The following SRGAP2B variants were observed in gnomAD, a reference collection of about 807,000 sequenced individuals.
The protein encoded by SRGAP2B is SLIT-ROBO Rho GTPase-activating protein 2B.
Under a neutral mutation model 22.2 loss-of-function variants are expected in SRGAP2B, and 9 were observed. The ratio of observed to expected loss-of-function variants is 0.41; its 90% CI spans 0.24 to 0.71. SRGAP2B has a LOEUF of 0.71. Among genes scored for constraint, SRGAP2B ranks in the 30% least tolerant of loss-of-function variants. The probability of loss-of-function intolerance (pLI) is 0.35; values close to 1 mark genes in which losing one functional copy is unlikely to be tolerated. For missense variants in SRGAP2B, 114 were observed against 235.8 expected (o/e 0.48, Z 3.38); for synonymous variants, 36 against 87.4 (o/e 0.41, Z 3.28).
chr1:145,021,124 CATAG>C (rs1293417125), intron 2 of SRGAP2B, among the ~76,000 whole-genome samples: 7 of 148,020 alleles, frequency 4.7e-5, no homozygotes, highest in Non-Finnish European at 3.0e-5. Context: ...GCCTTCTACT[CATAG>C]ATAAACAACT....
intron 7 of SRGAP2B, among the ~76,000 whole-genome samples, chr1:144,904,292 G>A (rs1184456611): frequency 6.4e-5 from 9 of 140,486 alleles, no homozygotes; most frequent in East Asian, 2.1e-4. Flanking sequence ...AGTTAACACC[G>A]AGAAACCTTA....
intron 2 of SRGAP2B, among the ~76,000 whole-genome samples, chr1:145,068,322 T>A (rs1157297262): frequency 7.0e-6 from 1 of 143,424 alleles, no homozygotes; most frequent in Non-Finnish European, 1.5e-5. Flanking sequence ...TAGGCATACA[T>A]AATCATGTGT....
intron 2 of SRGAP2B, among the ~76,000 whole-genome samples, chr1:145,035,960 C>T (rs1211215875): frequency 7.2e-5 from 10 of 139,552 alleles, no homozygotes; most frequent in African/African-American, 2.4e-4. Context: ...AAAAAACCCA[C>T]GATAAAACCC....
intron 7 of SRGAP2B, among the ~76,000 whole-genome samples, chr1:144,904,124 G>A (rs1323971726): frequency 6.8e-6 from 1 of 148,108 alleles, no homozygotes; most frequent in Non-Finnish European, 1.5e-5. Context: ...TTAAAAATGG[G>A]CCAGATGTCA....
chr1:144,917,545 TG>T (rs1663945773), intron 4 of SRGAP2B, among the ~76,000 whole-genome samples: 1 of 141,714 alleles, frequency 7.1e-6, no homozygotes, highest in South Asian at 2.2e-4. Context: ...GAGTGGGGGA[TG>T]GGGGAAGAAG....
intron 3 of SRGAP2B, among the ~76,000 whole-genome samples, chr1:144,976,170 G>A (rs1470570592): frequency 3.4e-5 from 5 of 147,126 alleles, no homozygotes; most frequent in South Asian, 4.2e-4. Context: ...GTGAGCCATC[G>A]CGCCCAGCCT....
chr1:144,914,320 G>A (rs1280742722), intron 5 of SRGAP2B, among the ~76,000 whole-genome samples: 8 of 150,910 alleles, frequency 5.3e-5, no homozygotes, highest in South Asian at 2.1e-4. Context: ...AAGCCTTTCC[G>A]ACAGGCACAT....
intron 3 of SRGAP2B, among the ~76,000 whole-genome samples, chr1:144,958,868 G>A (rs1263442040): frequency 2.0e-5 from 3 of 148,514 alleles, no homozygotes; most frequent in African/African-American, 7.7e-5. Flanking sequence ...CCATTCAAAT[G>A]AGCAACCCTC....
At chr1:144,975,870 T>TTC (rs1668861516) in intron 3 of SRGAP2B, among the ~76,000 whole-genome samples, 1 of 2,864 alleles carries the variant, frequency 3.5e-4, no homozygotes, top group Non-Finnish European at 7.4e-4. Context: ...TAGTAATTCT[T>TTC]TTTTTTTTTT....
intron 2 of SRGAP2B, among the ~76,000 whole-genome samples, chr1:145,056,880 ATGT>A (rs1307826626): frequency 8.5e-6 from 1 of 117,990 alleles, no homozygotes; most frequent in Non-Finnish European, 1.8e-5. Context: ...AGGTAATTAA[ATGT>A]TGAATTAAAG....
At chr1:144,944,879 C>T (rs587595576) in intron 4 of SRGAP2B, among the ~76,000 whole-genome samples, 2 of 148,768 alleles carry the variant, frequency 1.3e-5, no homozygotes, top group Admixed American at 1.3e-4. Flanking sequence ...CCTGCCTCGG[C>T]CTCCTGAGCA....
intron 5 of SRGAP2B, among the ~76,000 whole-genome samples, chr1:144,912,064 C>T (rs1177908664): frequency 1.3e-5 from 2 of 148,466 alleles, no homozygotes; most frequent in African/African-American, 5.1e-5. Context: ...CATTCTCCTG[C>T]CTCAGCCTCC....
intron 2 of SRGAP2B, among the ~76,000 whole-genome samples, chr1:145,012,389 G>A (rs1238506696): frequency 9.3e-5 from 14 of 149,920 alleles, no homozygotes; most frequent in Admixed American, 6.6e-4. Flanking sequence ...TTTTTATAAC[G>A]AGTATTTACT....
intron 4 of SRGAP2B, among the ~76,000 whole-genome samples, chr1:144,927,125 T>G (rs1309948127): frequency 8.0e-5 from 12 of 149,260 alleles, no homozygotes; most frequent in Non-Finnish European, 1.8e-4. Flanking sequence ...AATTTTTTTG[T>G]ATTTTTAGTA....
intron 2 of SRGAP2B, among the ~76,000 whole-genome samples, chr1:145,073,111 T>C (rs1652266750): frequency 6.6e-6 from 1 of 150,432 alleles, no homozygotes; most frequent in African/African-American, 2.5e-5. Context: ...ATGCTATTAA[T>C]TCCTGCACAC....
chr1:144,931,080 TC>T (rs1665142717), intron 4 of SRGAP2B, among the ~76,000 whole-genome samples: 1 of 146,728 alleles, frequency 6.8e-6, no homozygotes, highest in Admixed American at 6.8e-5. Flanking sequence ...CTCTCCTTCA[TC>T]CTGAAGCCTG....
chr1:144,926,516 G>A (rs1177508731), intron 4 of SRGAP2B, among the ~76,000 whole-genome samples: 1 of 143,804 alleles, frequency 7.0e-6, no homozygotes, highest in Non-Finnish European at 1.5e-5. Flanking sequence ...AGATTCTATT[G>A]TTGATTTCAT....
chr1:144,956,436 TC>T lies in SRGAP2B; in HGVS notation c.261-836del, dbSNP rs1331691825. 5.4e-5 allele frequency among the ~76,000 whole-genome samples: 7 copies of T among 128,926 alleles called. No homozygotes were observed. The South Asian group carries it at 1.3e-3, about 24-fold the overall frequency. 84.6% of individuals were successfully genotyped at this position (128,926 alleles called of 152,430 possible). ...TAAAGTGCTAAACCAAGGTGCTCAT[TC>T]CCTTTTTTTTTTTTTTTTTTTTTTT... On this transcript the variant is annotated intron_variant, in intron 3 of 9. Transcript: ENST00000612199.
intron 2 of SRGAP2B, among the ~76,000 whole-genome samples, chr1:145,090,068 A>G (rs1414684348): frequency 2.0e-5 from 3 of 146,664 alleles, no homozygotes; most frequent in African/African-American, 8.2e-5. Flanking sequence ...CAAACTGCAT[A>G]GCTGTTACAG....
Sources: allele counts gnomAD v4.1 joint callset (sites outside exome capture counted in the v4.1 genomes callset), GRCh38; gene constraint gnomAD v4.1.1; transcripts MANE v1.5; gene names NCBI Gene and HGNC (gene_info 2026-07-23, HGNC 2026-07-21).